LPAR3: variants seen among roughly 807,000 people sequenced by gnomAD.
LPAR3 encodes LPA receptor 3.
In LPAR3, 7 loss-of-function variants were observed where a neutral mutation model predicts 17.8. That is an observed-to-expected ratio of 0.39 (90% CI 0.22 to 0.74). LPAR3 has a LOEUF of 0.74. LPAR3 is among the 30% of genes least tolerant of loss of function. LPAR3 has a pLI of 0.40. For synonymous variants in LPAR3, 179 were observed against 179.9 expected, an observed-to-expected ratio of 0.99 and a Z score of 0.04; for missense variants, 391 against 453.4, an observed-to-expected ratio of 0.86 and a Z score of 1.25.
intron 1 of LPAR3, among the ~76,000 whole-genome samples, chr1:84,882,311 T>C (rs961765750): frequency 5.3e-5 from 8 of 152,104 alleles, no homozygotes; most frequent in African/African-American, 1.4e-4. Flanking sequence ...CACTGAAAAC[T>C]ATAAAACACT....
At chr1:84,855,971 A>G (rs193191873) in intron 2 of LPAR3, among the ~76,000 whole-genome samples, 2 of 152,266 alleles carry the variant, frequency 1.3e-5, no homozygotes, top group Admixed American at 6.5e-5. Context: ...TTTAATTTGA[A>G]GCTGTCTTCC....
At chr1:84,819,776 C>T (rs949989529) in intron 2 of LPAR3, among the ~76,000 whole-genome samples, 2 of 152,156 alleles carry the variant, frequency 1.3e-5, no homozygotes, top group South Asian at 4.1e-4. Flanking sequence ...TTTGGCTCGC[C>T]GTGCCAGGAA....
chr1:84,813,950 G>A lies in LPAR3; in HGVS notation c.958C>T (p.Pro320Ser), dbSNP rs866578901. The A allele has an allele frequency of 6.2e-7, 1 of 1,614,088 alleles. No individual in the cohort carries two copies. Among genetic ancestry groups the A allele is most frequent in the Non-Finnish European group, 8.5e-7 (1 of 1,179,942 alleles). ...AGGACTGTGGAGGGGATGCGAGAGG[G>A]ACGCCTCTCTGGGTTCTCCTGAGAG... ...CFSQENPERR[P>S]SRIPSTVLSR... Residue 320 changes from proline to serine, a missense_variant, in exon 3 of 3, where the codon CCC becomes TCC. Physicochemically the swap from Pro to Ser is moderately conservative, Grantham distance 74. Coordinates refer to ENST00000370611, the MANE Select transcript of LPAR3 (RefSeq NM_012152.3).
rs1660084188 is a variant in LPAR3 at position 84,867,884 on chromosome 1, A to G, written c.-18-1746T>C. Among the ~76,000 whole-genome samples the G allele has an allele frequency of 2.6e-5, 4 of 152,330 alleles. No individual in the cohort carries two copies. The South Asian group carries it at 8.3e-4, about 32-fold the overall frequency. ...AATTTTAATAGCTTCACAATATTCTATTATATGAATAGGCCACACCTGACT... is the reference window on the plus strand; with the variant it reads ...AATTTTAATAGCTTCACAATATTCTGTTATATGAATAGGCCACACCTGACT... On this transcript the variant is annotated intron_variant, in intron 1 of 2. Transcript: ENST00000370611.
rs146186091 is a variant in LPAR3 at position 84,839,102 on chromosome 1, G to T, written c.737-24931C>A. On this transcript the variant is annotated intron_variant, in intron 2 of 2. Coordinates refer to ENST00000370611, the MANE Select transcript of LPAR3 (RefSeq NM_012152.3). ...TTAACCCTCACATCAACCCTCCGAGGTAGGTATTATCATGGTCTCTTTTCA... is the reference window on the plus strand; with the variant it reads ...TTAACCCTCACATCAACCCTCCGAGTTAGGTATTATCATGGTCTCTTTTCA... Among the ~76,000 whole-genome samples the T allele has an allele frequency of 2.0e-4, 30 of 152,274 alleles. No homozygotes were observed. In the East Asian group the frequency reaches 5.4e-3, roughly 27 times the overall value.
intron 1 of LPAR3, among the ~76,000 whole-genome samples, chr1:84,869,738 TC>T (rs1660122618): frequency 6.6e-6 from 1 of 152,218 alleles, no homozygotes; most frequent in African/African-American, 2.4e-5. Context: ...AAGCATATAT[TC>T]TACTTAATGT....
intron 2 of LPAR3, among the ~76,000 whole-genome samples, chr1:84,855,065 C>T (rs907529379): frequency 3.3e-5 from 5 of 152,126 alleles, no homozygotes; most frequent in Non-Finnish European, 7.3e-5. Flanking sequence ...GGGAAGATGA[C>T]TCCTGCCAAT....
rs538635578 is a variant in LPAR3 at position 84,816,949 on chromosome 1, C to T, written c.737-2778G>A. On this transcript the variant is annotated intron_variant, in intron 2 of 2. Transcript: ENST00000370611. ...GTCTGTGCTTTCTCTATGTGATGCC[C>T]TTCAGGTTTTTGAAGACAGTTAACG... 1.4e-3 allele frequency among the ~76,000 whole-genome samples: 216 copies of T among 152,304 alleles called. 2 individuals carry two copies. Among genetic ancestry groups the T allele is most frequent in the Non-Finnish European group, 2.0e-3 (137 of 68,032 alleles).
At chr1:84,824,594 T>A (rs1005713921) in intron 2 of LPAR3, among the ~76,000 whole-genome samples, 5 of 152,152 alleles carry the variant, frequency 3.3e-5, no homozygotes, top group African/African-American at 1.2e-4. Context: ...ATTTCTTAGC[T>A]ATGGAAGGAG....
At chr1:84,863,588 T>C (rs1659981624) in intron 2 of LPAR3, among the ~76,000 whole-genome samples, 1 of 152,118 alleles carries the variant, frequency 6.6e-6, no homozygotes, top group South Asian at 2.1e-4. Context: ...TTGGTCCTCC[T>C]CTCCTTCATA....
In LPAR3 at chr1:84,849,737, T is replaced by C. The variant is rs112497862; in HGVS notation, c.736+15648A>G. Among the ~76,000 whole-genome samples the C allele has an allele frequency of 3.2e-4, 48 of 152,264 alleles. No homozygotes were observed. In the East Asian group the frequency reaches 9.1e-3, roughly 29 times the overall value. On this transcript the variant is annotated intron_variant, in intron 2 of 2. Coordinates refer to ENST00000370611, the MANE Select transcript of LPAR3 (RefSeq NM_012152.3). ...TAAGGAGTCTCACCCTGGGGAAAGA[T>C]ACCAGCCCTAGAAAAGACAAAGAGG...
intron 2 of LPAR3, among the ~76,000 whole-genome samples, chr1:84,838,710 T>C (rs1314130436): frequency 6.6e-6 from 1 of 152,212 alleles, no homozygotes; most frequent in Non-Finnish European, 1.5e-5. Context: ...ATATTAAATA[T>C]AAGGTAAGTC....
intron 1 of LPAR3, among the ~76,000 whole-genome samples, chr1:84,867,263 G>C (rs1004222010): frequency 6.6e-6 from 1 of 152,174 alleles, no homozygotes; most frequent in African/African-American, 2.4e-5. Flanking sequence ...AGCCATGAAC[G>C]GTCCTACGGA....
Position 84,865,639 on chromosome 1 carries a change from G to A in LPAR3, c.482C>T (p.Ala161Val), listed in dbSNP as rs544005031. 1.0e-4 allele frequency: 166 copies of A among 1,614,146 alleles called. No individual in the cohort carries two copies. Among genetic ancestry groups the A allele is most frequent in the South Asian group, 7.2e-4 (66 of 91,072 alleles). The change falls in exon 2 of 3, where the codon GCG becomes GTG. Residue 161 changes from alanine to valine, a missense_variant. Physicochemically the swap from Ala to Val is moderately conservative, Grantham distance 64. Transcript: ENST00000370611. ...LVWAIAIFMGAVPTLGWNCLC... is the reference protein window; with the variant it reads ...LVWAIAIFMGVVPTLGWNCLC... Reference sequence around the variant, plus strand: ...GCAATTCCAGCCCAGTGTGGGGACCGCCCCCATAAAAATGGCGATGGCCCA... The same window carrying A: ...GCAATTCCAGCCCAGTGTGGGGACCACCCCCATAAAAATGGCGATGGCCCA...
chr1:84,820,679 T>A (rs1659035389), intron 2 of LPAR3, among the ~76,000 whole-genome samples: 3 of 152,316 alleles, frequency 2.0e-5, no homozygotes, highest in Non-Finnish European at 2.9e-5. Context: ...AAGCCTTTTT[T>A]AACCAGGAGT....
At chr1:84,889,151 G>A (rs1211617219) in intron 1 of LPAR3, among the ~76,000 whole-genome samples, 5 of 152,012 alleles carry the variant, frequency 3.3e-5, no homozygotes, top group Admixed American at 1.3e-4. Context: ...GAAGAGAGGG[G>A]TGGGTATAAC....
intron 2 of LPAR3, among the ~76,000 whole-genome samples, chr1:84,853,872 T>G (rs1394212125): frequency 6.6e-6 from 1 of 152,240 alleles, no homozygotes; most frequent in African/African-American, 2.4e-5. Flanking sequence ...AGCTGTGGGC[T>G]GAAGACTGGC....
At chr1:84,828,337 GATTCAGAGCAGC>G (rs1242132721) in intron 2 of LPAR3, among the ~76,000 whole-genome samples, 1 of 152,166 alleles carries the variant, frequency 6.6e-6, no homozygotes, top group Non-Finnish European at 1.5e-5. Flanking sequence ...GCAGCAGTCT[GATTCAGAGCAGC>G]ATTCAAATTC....
intron 2 of LPAR3, among the ~76,000 whole-genome samples, chr1:84,820,233 C>T (rs188761742): frequency 6.6e-6 from 1 of 152,282 alleles, no homozygotes; most frequent in East Asian, 1.9e-4. Flanking sequence ...TTAATACATA[C>T]GTCTTGTGTC....
Sources: gnomAD v4.1 joint callset for allele counts (sites outside exome capture counted in the v4.1 genomes callset) on GRCh38, gnomAD v4.1.1 for gene constraint, MANE v1.5 for transcripts, NCBI Gene and HGNC (gene_info 2026-07-23, HGNC 2026-07-21) for gene names.